Variants in PYCR2 observed in about 807,000 individuals in gnomAD.
PYCR2 encodes P5C reductase 2.
A neutral mutation model predicts 23.4 loss-of-function variants in PYCR2; 17 were observed. The ratio of observed to expected loss-of-function variants is 0.73; its 90% CI spans 0.50 to 1.09. The LOEUF is 1.09. Among genes scored for constraint, PYCR2 ranks in the 50% least tolerant of loss-of-function variants. The pLI is 0.00. For missense variants in PYCR2, 380 were observed against 423.5 expected (o/e 0.90, Z 0.90); for synonymous variants, 172 against 176.6 (o/e 0.97, Z 0.21).
chr1:225,921,128 T>C lies in PYCR2; in HGVS notation c.797+80A>G. Reference sequence around the variant, plus strand: ...CTAAATGGGACCCAAGACAGCAGGTTCCGCAAATGGTGCTCAACCCAGCCC... The same window carrying C: ...CTAAATGGGACCCAAGACAGCAGGTCCCGCAAATGGTGCTCAACCCAGCCC... On this transcript the variant is annotated intron_variant, in intron 6 of 6. Transcript: ENST00000343818. This position sits in a 1 kb window ranked among gnomAD's most constrained non-coding sequence, Gnocchi z 4.2. The C allele has an allele frequency of 1.4e-6, 2 of 1,395,536 alleles. No individual in the cohort carries two copies. Among genetic ancestry groups the C allele is most frequent in the Non-Finnish European group, 2.0e-6 (2 of 1,018,504 alleles). 86.4% of individuals were successfully genotyped at this position (1,395,536 alleles called of 1,614,324 possible). A position where few individuals can be genotyped will look rare whatever the true frequency, so the allele number is the denominator to read the frequency against.
rs770999436 is a variant in PYCR2, at chr1:225,921,597, A to C, written c.588T>G (p.Gly196=). The change falls in exon 5 of 7, where the codon GGT becomes GGG. Residue 196 remains glycine, a synonymous_variant. Coordinates refer to ENST00000343818, the MANE Select transcript of PYCR2 (RefSeq NM_013328.4). The surrounding 1 kb of genome is among the most constrained non-coding windows in gnomAD (Gnocchi z 4.2). ...DALADGGVKM[G]LPRRLAIQLG... ...GTTGGATTGCCAGGCGCCGTGGCAA[A>C]CCCATCTTCACCCCACCATCAGCCA... 6.2e-7 allele frequency: 1 copy of C among 1,614,130 alleles called. No individual in the cohort carries two copies. Among genetic ancestry groups the C allele is most frequent in the Non-Finnish European group, 8.5e-7 (1 of 1,180,010 alleles).
chr1:225,923,275 G>A, intron 2 of PYCR2: 1 of 280,764 alleles, frequency 3.6e-6, no homozygotes, highest in Non-Finnish European at 5.6e-6. Flanking sequence ...GTGGATGCCT[G>A]TAATTCCAGC....
chr1:225,922,376 C>G lies in PYCR2; in HGVS notation c.146G>C (p.Gly49Ala), dbSNP rs1309272158. Residue 49 changes from glycine (G) to alanine (A), a missense_variant, in exon 3 of 7, where the codon GGT becomes GCT. Coordinates refer to ENST00000343818, the MANE Select transcript of PYCR2 (RefSeq NM_013328.4). ...LPTVSALRKMGVNLTRSNKET... is the reference protein window; with the variant it reads ...LPTVSALRKMAVNLTRSNKET... ...CTTGTTGCTGCGTGTCAGGTTCACACCCATCTTCTGCAAGAGGAGACTCCC... is the reference window on the plus strand; with the variant it reads ...CTTGTTGCTGCGTGTCAGGTTCACAGCCATCTTCTGCAAGAGGAGACTCCC... 1 of 1,609,358 alleles carries G rather than the reference C, an allele frequency of 6.2e-7. No homozygotes were observed. Among genetic ancestry groups the G allele is most frequent in the Admixed American group, 1.7e-5 (1 of 59,948 alleles).
At chr1:225,922,158 G>A (rs1671860176) in intron 3 of PYCR2, 46 bp downstream of exon 3, 2 of 1,607,346 alleles carry the variant, frequency 1.2e-6, no homozygotes, top group Non-Finnish European at 1.7e-6. Context: ...CCATTCGTGG[G>A]TCAACCCTCC....
At position 225,922,156 on chromosome 1, in the gene PYCR2, G is replaced by A. The variant is rs186126795; in HGVS notation, c.318+48C>T. 196 of 1,606,796 alleles carry A rather than the reference G, an allele frequency of 1.2e-4. 2 individuals carry two copies. In the East Asian group the frequency reaches 2.0e-3, roughly 17 times the overall value. ...CACCCACCCATTAGCTGCCATTCGT[G>A]GGTCAACCCTCCCCTCACACAAGGG... On this transcript the variant is annotated intron_variant, in intron 3 of 6. Coordinates refer to ENST00000343818, the MANE Select transcript of PYCR2 (RefSeq NM_013328.4).
At chr1:225,923,050 G>A (rs1671888716) in intron 2 of PYCR2, 1 of 968,606 alleles carries the variant, frequency 1.0e-6, no homozygotes, top group Non-Finnish European at 1.2e-6. Context: ...CAGCAAAGTG[G>A]CCACTGTTGT....
chr1:225,922,402 A>AG lies in PYCR2; in HGVS notation c.139-20dup. On this transcript the variant is annotated intron_variant, in intron 2 of 6. Transcript: ENST00000343818. ...CCATCTTCTGCAAGAGGAGACTCCC[A>AG]GCTCACAGTGCTGGAGCAGCCTGGC... The AG allele has an allele frequency of 1.2e-6, 2 of 1,602,318 alleles. No individual in the cohort carries two copies. Among genetic ancestry groups the AG allele is most frequent in the Non-Finnish European group, 1.7e-6 (2 of 1,171,160 alleles).
intron 2 of PYCR2, chr1:225,923,032 C>A: frequency 1.0e-6 from 1 of 977,452 alleles, no homozygotes; most frequent in Non-Finnish European, 1.2e-6. Flanking sequence ...ATTCACGACT[C>A]AGAATAACAG....
chr1:225,923,371 G>A (rs747121063), intron 2 of PYCR2: 74 of 911,940 alleles, frequency 8.1e-5, no homozygotes, highest in Non-Finnish European at 8.8e-5. Flanking sequence ...CAGCTTGGGC[G>A]ACAGAGTAAG....
rs1211649622 is a variant in PYCR2, at chr1:225,921,445, C to T, written c.634-74G>A. 2.0e-6 allele frequency: 3 copies of T among 1,533,104 alleles called. No individual in the cohort carries two copies. The African/African-American group carries it at 4.1e-5, about 21-fold the overall frequency. The allele number at this position is 1,533,104 out of a possible 1,614,324, so 95.0% of individuals were successfully genotyped here. A position where few individuals can be genotyped will look rare whatever the true frequency, so the allele number is the denominator to read the frequency against. ...AGGCTTCCCATACCCACTGCTCCTG[C>T]CCAACTGCTACCCCAGCTTCCCAAC... On this transcript the variant is annotated intron_variant, in intron 5 of 6. Coordinates refer to ENST00000343818, the MANE Select transcript of PYCR2 (RefSeq NM_013328.4). This position sits in a 1 kb window ranked among gnomAD's most constrained non-coding sequence, Gnocchi z 4.2.
At chr1:225,922,415 G>A (rs1284807668) in intron 2 of PYCR2, 32 bp from the exon 3 acceptor site, 1 of 1,589,764 alleles carries the variant, frequency 6.3e-7, no homozygotes, top group Admixed American at 1.7e-5. Context: ...TCACAGTGCT[G>A]GAGCAGCCTG....
chr1:225,921,768 G>C lies in PYCR2; in HGVS notation c.540+90C>G. 1 of 1,584,672 alleles carries C rather than the reference G, an allele frequency of 6.3e-7. No individual in the cohort carries two copies. Among genetic ancestry groups the C allele is most frequent in the Non-Finnish European group, 8.6e-7 (1 of 1,157,684 alleles). Reference sequence around the variant, plus strand: ...CTGTACCAGCCAGCTGTGCCCAAGAGGTGGGCGCCACCCCCAGTCCAAGCC... The same window carrying C: ...CTGTACCAGCCAGCTGTGCCCAAGACGTGGGCGCCACCCCCAGTCCAAGCC... On this transcript the variant is annotated intron_variant, in intron 4 of 6. Coordinates refer to ENST00000343818, the MANE Select transcript of PYCR2 (RefSeq NM_013328.4). The surrounding 1 kb of genome is among the most constrained non-coding windows in gnomAD (Gnocchi z 4.2).
At chr1:225,923,539 G>A in intron 2 of PYCR2, 162 bp downstream of exon 2, 1 of 1,465,666 alleles carries the variant, frequency 6.8e-7, no homozygotes, top group Non-Finnish European at 9.0e-7. Flanking sequence ...ACCACATTGA[G>A]CTGCCCAAGA....
At chr1:225,923,502 C>T in intron 2 of PYCR2, 199 bp downstream of exon 2, 1 of 1,426,630 alleles carries the variant, frequency 7.0e-7, no homozygotes, top group Non-Finnish European at 9.2e-7. Flanking sequence ...GGATCTGACC[C>T]CCAGTTATGT....
Position 225,924,139 on chromosome 1 carries a change from G to C in PYCR2, c.-29C>G, listed in dbSNP as rs769438078. Reference sequence around the variant, plus strand: ...CCGCGGTTCACGCCTCCTGGGAGCCGCACGAACCCCCTCAGCGAGGGACCG... The same window carrying C: ...CCGCGGTTCACGCCTCCTGGGAGCCCCACGAACCCCCTCAGCGAGGGACCG... On this transcript the variant is annotated 5_prime_UTR_variant, in exon 1 of 7. Transcript: ENST00000343818. 6.5e-6 allele frequency: 10 copies of C among 1,531,310 alleles called. No homozygotes were observed. The highest frequency in any genetic ancestry group is 7.9e-6 in the Non-Finnish European group (9 of 1,141,308). The allele number at this position is 1,531,310 out of a possible 1,614,324, so 94.9% of individuals were successfully genotyped here.
rs1403346928 is a variant in PYCR2 at position 225,921,783 on chromosome 1, C to G, written c.540+75G>C. 3.8e-6 allele frequency: 6 copies of G among 1,597,176 alleles called. No individual in the cohort carries two copies. Among genetic ancestry groups the G allele is most frequent in the Non-Finnish European group, 4.3e-6 (5 of 1,168,676 alleles). ...GTGCCCAAGAGGTGGGCGCCACCCC[C>G]AGTCCAAGCCTGCCTGCCAGCCCAT... On this transcript the variant is annotated intron_variant, in intron 4 of 6. Coordinates refer to ENST00000343818, the MANE Select transcript of PYCR2 (RefSeq NM_013328.4). The surrounding 1 kb of genome is among the most constrained non-coding windows in gnomAD (Gnocchi z 4.2).
intron 2 of PYCR2, chr1:225,923,300 A>T: frequency 3.0e-6 from 1 of 331,670 alleles, no homozygotes; most frequent in Non-Finnish European, 4.4e-6. Flanking sequence ...CGGGAGGCTG[A>T]GGTGGGAGGC....
rs1362508855 is a variant in PYCR2, at chr1:225,920,441, G to A, written c.*14C>T. ...AACTAAGGGCTCTGAATCACAGAGGGGACAGATGCTGCCTTAGTCCTTCTT... is the reference window on the plus strand; with the variant it reads ...AACTAAGGGCTCTGAATCACAGAGGAGACAGATGCTGCCTTAGTCCTTCTT... On this transcript the variant is annotated 3_prime_UTR_variant, in exon 7 of 7. Transcript: ENST00000343818. The A allele has an allele frequency of 2.1e-6, 3 of 1,425,714 alleles. No individual in the cohort carries two copies. The highest frequency in any genetic ancestry group is 2.3e-5 in the Admixed American group (1 of 43,926). 88.3% of individuals were successfully genotyped at this position (1,425,714 alleles called of 1,614,324 possible). A position where few individuals can be genotyped will look rare whatever the true frequency, so the allele number is the denominator to read the frequency against.
intron 6 of PYCR2, among the ~76,000 whole-genome samples, chr1:225,920,973 A>G (rs955185652): frequency 1.4e-4 from 22 of 152,220 alleles, no homozygotes; most frequent in African/African-American, 5.1e-4. Context: ...TCAACTTCCC[A>G]TCTACAAGTC....
Sources: gnomAD v4.1 joint callset for allele counts (sites outside exome capture counted in the v4.1 genomes callset) on GRCh38, gnomAD v4.1.1 for gene constraint, Gnocchi (gnomAD v3.1) non-coding constraint, MANE v1.5 for transcripts, NCBI Gene and HGNC (gene_info 2026-07-23, HGNC 2026-07-21) for gene names.